Variants in TTBK2 observed in about 807,000 individuals in gnomAD.
The protein encoded by TTBK2 is tau-tubulin kinase 2.
A neutral mutation model predicts 110.8 loss-of-function variants in TTBK2; 28 were observed. That is an observed-to-expected ratio of 0.25 (90% CI 0.19 to 0.35). TTBK2 has a LOEUF of 0.35. Ranked by LOEUF, TTBK2 falls within the 10% of genes least tolerant of loss-of-function variation. TTBK2 has a pLI of 1.00. For synonymous variants in TTBK2, 532 were observed against 527.3 expected (o/e 1.01, Z -0.12); for missense variants, 1,369 against 1,500.3 (o/e 0.91, Z 1.45).
intron 9 of TTBK2, among the ~76,000 whole-genome samples, chr15:42,799,457 G>A (rs747436553): frequency 2.0e-5 from 3 of 151,672 alleles, no homozygotes; most frequent in Non-Finnish European, 4.4e-5. Flanking sequence ...TTTTTGAGAC[G>A]GAGTCTCACT....
intron 3 of TTBK2, among the ~76,000 whole-genome samples, chr15:42,862,780 C>T (rs1203723681): frequency 3.3e-5 from 5 of 152,004 alleles, no homozygotes; most frequent in Non-Finnish European, 2.9e-5. Context: ...CCCAGCTACT[C>T]GGGAGGCTGA....
At chr15:42,815,792 A>G (rs1457906033) in intron 7 of TTBK2, among the ~76,000 whole-genome samples, 2 of 147,636 alleles carry the variant, frequency 1.4e-5, no homozygotes, top group African/African-American at 5.0e-5. Context: ...TATTGATAGT[A>G]TTATATTCCC....
At chr15:42,789,714 A>T (rs1331036727) in intron 10 of TTBK2, among the ~76,000 whole-genome samples, 2 of 152,134 alleles carry the variant, frequency 1.3e-5, no homozygotes, top group African/African-American at 2.4e-5. Context: ...AGCCTGAGCA[A>T]CAGGGCAAGA....
chr15:42,764,830 G>A (rs903897772), intron 13 of TTBK2, among the ~76,000 whole-genome samples: 1 of 152,242 alleles, frequency 6.6e-6, no homozygotes, highest in Admixed American at 6.5e-5. Flanking sequence ...CACCCGTGTA[G>A]CCTAATTGGG....
chr15:42,740,552 C>CTTTTTTT lies in TTBK2; in HGVS notation c.*5236_*5242dup, dbSNP rs34711312. On this transcript the variant is annotated 3_prime_UTR_variant, in exon 15 of 15. Transcript: ENST00000267890. ...GGGCATAGACTTTATTTTTGTTTTA[C>CTTTTTTT]TTTTTTTTTTTTTTTTTTTTGAGAC... The CTTTTTTT allele has an allele frequency of 7.6e-6, 1 of 131,804 alleles. No homozygotes were observed. Among genetic ancestry groups the CTTTTTTT allele is most frequent in the Non-Finnish European group, 1.7e-5 (1 of 60,496 alleles). 8.2% of individuals were successfully genotyped at this position (131,804 alleles called of 1,614,324 possible).
At chr15:42,830,362 A>G (rs1892702432) in intron 4 of TTBK2, among the ~76,000 whole-genome samples, 2 of 151,870 alleles carry the variant, frequency 1.3e-5, no homozygotes, top group South Asian at 4.2e-4. Flanking sequence ...AAATTTTTCT[A>G]TTTTTAGTAG....
rs941868014 is a variant in TTBK2, at chr15:42,742,563, C to A, written c.*3232G>T. The A allele has an allele frequency of 5.3e-5, 8 of 152,104 alleles. No individual in the cohort carries two copies. Among genetic ancestry groups the A allele is most frequent in the Non-Finnish European group, 1.0e-4 (7 of 68,024 alleles). 9.4% of individuals were successfully genotyped at this position (152,104 alleles called of 1,614,324 possible). ...GCAGCAGAATTCAGGAGAAATGCTA[C>A]CTAAAGTGATTGAGCTGTTGCTAAT... On this transcript the variant is annotated 3_prime_UTR_variant, in exon 15 of 15. Transcript: ENST00000267890.
At chr15:42,860,642 T>TA (rs1399606814) in intron 3 of TTBK2, among the ~76,000 whole-genome samples, 1 of 106,048 alleles carries the variant, frequency 9.4e-6, no homozygotes, top group Non-Finnish European at 1.9e-5. Context: ...TATTCTTTCT[T>TA]TTTTTTTTTT....
chr15:42,794,984 A>G, intron 9 of TTBK2, 183 bp from the exon 10 acceptor site: 1 of 709,932 alleles, frequency 1.4e-6, no homozygotes, highest in Non-Finnish European at 2.4e-6. Flanking sequence ...ATTAATGTTG[A>G]TTTTTCTCCG....
At chr15:42,834,459 C>G (rs1270637675) in intron 4 of TTBK2, among the ~76,000 whole-genome samples, 1 of 152,090 alleles carries the variant, frequency 6.6e-6, no homozygotes, top group Admixed American at 6.6e-5. Context: ...GGAGAAATGG[C>G]TGATTCCAGA....
rs535040519 is a variant in TTBK2, at chr15:42,752,560, G to A, written c.2686C>T (p.Leu896Phe). 1.9e-6 allele frequency: 3 copies of A among 1,614,130 alleles called. No homozygotes were observed. Among genetic ancestry groups the A allele is most frequent in the Non-Finnish European group, 2.5e-6 (3 of 1,180,028 alleles). The change falls in exon 14 of 15, where the codon CTC becomes TTC. Residue 896 changes from leucine to phenylalanine, a missense_variant. Physicochemically the swap from Leu to Phe is conservative, Grantham distance 22 (BLOSUM62 0). Transcript: ENST00000267890. The part of the protein sequence containing the change: ...SEDLPGHQGD[L>F]STFLHQEGKR... ...CCCTCTTGGTGCAAAAAAGTAGAGA[G>A]GTCTCCTTGATGACCTGGCAAGTCT...
intron 9 of TTBK2, among the ~76,000 whole-genome samples, chr15:42,796,920 G>C (rs145563216): frequency 2.6e-5 from 4 of 152,298 alleles, no homozygotes; most frequent in Admixed American, 2.6e-4. Flanking sequence ...AAGGGAACTG[G>C]AAAAGACATA....
chr15:42,833,039 G>A (rs972751216), intron 4 of TTBK2, among the ~76,000 whole-genome samples: 5 of 151,934 alleles, frequency 3.3e-5, no homozygotes, highest in African/African-American at 1.2e-4. Context: ...AGACACTGGG[G>A]TCTACTGGAC....
At position 42,753,218 on chromosome 15, in the gene TTBK2, A is replaced by T. The variant is rs775375916; in HGVS notation, c.2028T>A (p.Ser676=). ...AITIPRPSVA[S]TQSTSGSFHC... ...GAAAGCTTCCTGAAGTTGACTGTGT[A>T]GATGCCACAGAAGGTCTAGGAATTG... Residue 676 remains serine, a synonymous_variant, in exon 14 of 15, where the codon TCT becomes TCA. Transcript: ENST00000267890. 48 of 1,613,920 alleles carry T rather than the reference A, an allele frequency of 3.0e-5. No individual in the cohort carries two copies. Among genetic ancestry groups the T allele is most frequent in the Non-Finnish European group, 3.7e-5 (44 of 1,180,020 alleles).
intron 10 of TTBK2, among the ~76,000 whole-genome samples, chr15:42,792,073 G>T (rs983852724): frequency 1.2e-4 from 19 of 152,126 alleles, no homozygotes; most frequent in African/African-American, 4.3e-4. Flanking sequence ...AGAGGCGGAG[G>T]TTGCAGTGAG....
At chr15:42,767,914 A>C (rs1489051451) in intron 13 of TTBK2, among the ~76,000 whole-genome samples, 1 of 152,222 alleles carries the variant, frequency 6.6e-6, no homozygotes, top group Non-Finnish European at 1.5e-5. Flanking sequence ...CTTATCCACC[A>C]CGATTAAGTT....
chr15:42,907,724 T>C (rs2030492051), intron 1 of TTBK2, among the ~76,000 whole-genome samples: 1 of 152,080 alleles, frequency 6.6e-6, no homozygotes, highest in Admixed American at 6.6e-5. Flanking sequence ...GTTACTAAAC[T>C]GTACATATAA....
rs1052013607 is a variant in TTBK2, at chr15:42,744,851, T to C, written c.*944A>G. On this transcript the variant is annotated 3_prime_UTR_variant, in exon 15 of 15. Coordinates refer to ENST00000267890, the MANE Select transcript of TTBK2 (RefSeq NM_173500.4). The stretch of plus-strand genomic sequence containing the variant: ...CTCGTATCATCTTGGATGCTGATAT[T>C]ACAAACAGTTGGAACCCAGAAGACT... 2 of 152,904 alleles carry C rather than the reference T, an allele frequency of 1.3e-5. No homozygotes were observed. The highest frequency in any genetic ancestry group is 2.9e-5 in the Non-Finnish European group (2 of 68,196). 9.5% of individuals were successfully genotyped at this position (152,904 alleles called of 1,614,324 possible).
chr15:42,916,445 G>A (rs2031087834), intron 1 of TTBK2, among the ~76,000 whole-genome samples: 1 of 152,126 alleles, frequency 6.6e-6, no homozygotes, highest in Non-Finnish European at 1.5e-5. Flanking sequence ...TCCTGCCTCA[G>A]CCTCCCAAGT....
Sources: allele counts gnomAD v4.1 joint callset (sites outside exome capture counted in the v4.1 genomes callset), GRCh38; gene constraint gnomAD v4.1.1; transcripts MANE v1.5; gene names NCBI Gene and HGNC (gene_info 2026-07-23, HGNC 2026-07-21).